SHANK2: variants seen among roughly 807,000 people sequenced by gnomAD.
SHANK2 encodes the protein SH3 and multiple ankyrin repeat domains protein 2.
A neutral mutation model predicts 133.7 loss-of-function variants in SHANK2; 43 were observed. The ratio of observed to expected loss-of-function variants is 0.32; its 90% CI spans 0.25 to 0.41. SHANK2 has a LOEUF of 0.41. Ranked by LOEUF, SHANK2 falls within the 10% of genes least tolerant of loss-of-function variation. The probability of loss-of-function intolerance (pLI) is 1.00; values close to 1 mark genes in which losing one functional copy is unlikely to be tolerated. For synonymous variants in SHANK2, 1,017 were observed against 952.8 expected, an observed-to-expected ratio of 1.07 and a Z score of -1.24; for missense variants, 1,994 against 2,235.8, an observed-to-expected ratio of 0.89 and a Z score of 2.18.
intron 15 of SHANK2, among the ~76,000 whole-genome samples, chr11:70,695,651 T>G (rs753311209): frequency 1.2e-4 from 18 of 152,186 alleles, no homozygotes; most frequent in Non-Finnish European, 2.4e-4. Context: ...ATACTCAGGC[T>G]CAGATGCTCA....
intron 8 of SHANK2, among the ~76,000 whole-genome samples, chr11:71,085,852 ATTGTTATTTTAATATATTATATATTT>A (rs1951392501): frequency 1.1e-3 from 2 of 1,886 alleles, no homozygotes; most frequent in African/African-American, 6.0e-3. Flanking sequence ...AATAATATAT[ATTGTTATTTTAATATATTATATATTT>A]ATATAACCTT....
chr11:70,952,507 T>C (rs1950859109), intron 10 of SHANK2, among the ~76,000 whole-genome samples: 1 of 152,180 alleles, frequency 6.6e-6, no homozygotes. Flanking sequence ...ATAAATGGGA[T>C]TTTATCAAAT....
intron 11 of SHANK2, among the ~76,000 whole-genome samples, chr11:70,886,140 C>T (rs946096788): frequency 6.6e-6 from 1 of 152,170 alleles, no homozygotes; most frequent in African/African-American, 2.4e-5. Context: ...ACAGCTCACT[C>T]GGTCCCGCGA....
chr11:71,226,786 A>T (rs1486241464), intron 1 of SHANK2: 1 of 152,074 alleles, frequency 6.6e-6, no homozygotes, highest in African/African-American at 2.4e-5. Context: ...AAATAAAAAA[A>T]TAATAATAAA....
chr11:71,246,012 A>G (rs1277000370), intron 1 of SHANK2, among the ~76,000 whole-genome samples: 1 of 152,066 alleles, frequency 6.6e-6, no homozygotes, highest in East Asian at 1.9e-4. Flanking sequence ...ATGGACAGGA[A>G]CGGCTGAGCC....
intron 15 of SHANK2, among the ~76,000 whole-genome samples, chr11:70,693,705 T>C (rs187446407): frequency 1.3e-5 from 2 of 152,192 alleles, no homozygotes; most frequent in Admixed American, 6.5e-5. Context: ...CAGATCTTGA[T>C]AAATATTCAT....
intron 15 of SHANK2, among the ~76,000 whole-genome samples, chr11:70,695,423 T>G (rs1591757905): frequency 6.6e-6 from 1 of 151,758 alleles, no homozygotes; most frequent in African/African-American, 2.4e-5. Flanking sequence ...TGATGCAGAG[T>G]GGAAGAAGCC....
chr11:70,588,845 T>G (rs1426642879), intron 17 of SHANK2, among the ~76,000 whole-genome samples: 1 of 152,166 alleles, frequency 6.6e-6, no homozygotes, highest in Non-Finnish European at 1.5e-5. Context: ...TGAGATGGAG[T>G]CGCGCTCTGT....
chr11:70,810,463 G>A (rs1368234813), intron 12 of SHANK2, among the ~76,000 whole-genome samples: 3 of 152,278 alleles, frequency 2.0e-5, no homozygotes, highest in African/African-American at 7.2e-5. Flanking sequence ...GGAGAATCCC[G>A]GCAACCAAGG....
In SHANK2 at chr11:70,487,794, G is replaced by A. The variant is rs1295741359; in HGVS notation, c.2573-74C>T. On this transcript the variant is annotated intron_variant, in intron 24 of 25. Transcript: ENST00000601538. The surrounding 1 kb of genome is among the most constrained non-coding windows in gnomAD (Gnocchi z 5.8). The stretch of plus-strand genomic sequence containing the variant: ...CTAAGTTCCTAGGAACGTGCGATAC[G>A]CTACATCTCCACAAACTCACAAATT... 67 of 1,549,032 alleles carry A rather than the reference G, an allele frequency of 4.3e-5. 1 individual carries two copies. In the Admixed American group the frequency reaches 7.8e-4, roughly 18 times the overall value.
chr11:71,133,452 A>AGAAG (rs1555104125), intron 3 of SHANK2, among the ~76,000 whole-genome samples: 1 of 111,724 alleles, frequency 9.0e-6, no homozygotes, highest in African/African-American at 3.6e-5. Context: ...ACGGACGGAC[A>AGAAG]GACGGAGGGA....
At chr11:71,134,418 T>C (rs1555104383) in intron 3 of SHANK2, among the ~76,000 whole-genome samples, 3 of 150,558 alleles carry the variant, frequency 2.0e-5, no homozygotes, top group Non-Finnish European at 1.5e-5. Flanking sequence ...GTGAATTATA[T>C]GGCATGTATA....
intron 15 of SHANK2, among the ~76,000 whole-genome samples, chr11:70,679,232 A>G (rs1239373497): frequency 6.6e-6 from 1 of 152,056 alleles, no homozygotes; most frequent in Non-Finnish European, 1.5e-5. Flanking sequence ...GGGAGGCACC[A>G]TTTTCTTTCC....
intron 10 of SHANK2, among the ~76,000 whole-genome samples, chr11:70,932,938 T>TGA (rs1345047802): frequency 6.6e-6 from 1 of 152,224 alleles, no homozygotes; most frequent in African/African-American, 2.4e-5. Context: ...ATGCAGCTCC[T>TGA]ATGGAAAACA....
At chr11:70,520,611 A>G (rs1458664543) in intron 17 of SHANK2, among the ~76,000 whole-genome samples, 1 of 152,062 alleles carries the variant, frequency 6.6e-6, no homozygotes, top group African/African-American at 2.4e-5. Flanking sequence ...TCCTTTCCCT[A>G]CTTTCCACAC....
intron 10 of SHANK2, among the ~76,000 whole-genome samples, chr11:70,934,452 G>A (rs1449501396): frequency 6.6e-6 from 1 of 152,114 alleles, no homozygotes; most frequent in Non-Finnish European, 1.5e-5. Context: ...CAGGGGCTCT[G>A]CCTGGGAAGC....
intron 2 of SHANK2, among the ~76,000 whole-genome samples, chr11:71,165,455 C>CGT (rs532799086): frequency 4.7e-4 from 71 of 152,328 alleles, no homozygotes; most frequent in African/African-American, 1.7e-3. Context: ...GGTGTGTGTG[C>CGT]GTGTCCTCAG....
intron 1 of SHANK2, among the ~76,000 whole-genome samples, chr11:71,241,458 G>T (rs146015706): frequency 6.6e-6 from 1 of 152,076 alleles, no homozygotes; most frequent in Non-Finnish European, 1.5e-5. Context: ...ACGTACCTTC[G>T]CCAGCAACTG....
intron 2 of SHANK2, among the ~76,000 whole-genome samples, chr11:71,212,984 C>T (rs1389674297): frequency 2.7e-5 from 4 of 150,506 alleles, no homozygotes; most frequent in Non-Finnish European, 5.9e-5. Flanking sequence ...GAGCAGGGAC[C>T]CCAGGGGGAG....
Sources: allele counts gnomAD v4.1 joint callset (sites outside exome capture counted in the v4.1 genomes callset), GRCh38; gene constraint gnomAD v4.1.1; non-coding constraint Gnocchi (gnomAD v3.1); transcripts MANE v1.5; gene names NCBI Gene and HGNC (gene_info 2026-07-23, HGNC 2026-07-21).